CSMD1: variants seen among roughly 807,000 people sequenced by gnomAD.
The protein encoded by CSMD1 is CUB and Sushi multiple domains 1.
Under a neutral mutation model 417.5 loss-of-function variants are expected in CSMD1, and 213 were observed. That is an observed-to-expected ratio of 0.51 (90% CI 0.46 to 0.57). CSMD1 has a LOEUF of 0.57. Among genes scored for constraint, CSMD1 ranks in the 20% least tolerant of loss-of-function variants. The probability of loss-of-function intolerance (pLI) is 0.00; values close to 1 mark genes in which losing one functional copy is unlikely to be tolerated. For synonymous variants in CSMD1, 2,862 were observed against 1,736.8 expected, an observed-to-expected ratio of 1.65 and a Z score of -16.11; for missense variants, 6,923 against 4,529.7, an observed-to-expected ratio of 1.53 and a Z score of -15.17.
chr8:3,447,782 G>C (rs1815393754), intron 12 of CSMD1, among the ~76,000 whole-genome samples: 1 of 152,330 alleles, frequency 6.6e-6, no homozygotes, highest in East Asian at 1.9e-4. Flanking sequence ...ATGTGGCAGT[G>C]GATGGAGGGT....
chr8:3,493,494 A>G (rs559234490), intron 11 of CSMD1, 129 bp downstream of exon 11: 2 of 650,392 alleles, frequency 3.1e-6, no homozygotes, highest in Non-Finnish European at 2.7e-6. Flanking sequence ...GCAGGCCACT[A>G]CATTAGCCAT....
chr8:4,356,496 G>C (rs940970701), intron 3 of CSMD1, among the ~76,000 whole-genome samples: 1 of 152,092 alleles, frequency 6.6e-6, no homozygotes, highest in African/African-American at 2.4e-5. Context: ...CCTGGGAGTG[G>C]GATTGCTGGA....
rs376793976 is a variant in CSMD1, at chr8:3,722,403, G to C, written c.932-13912C>G. On this transcript the variant is annotated intron_variant, in intron 6 of 69. Coordinates refer to ENST00000635120, the MANE Select transcript of CSMD1 (RefSeq NM_033225.6). ...AGGAATTTGAAAGCACAGTAGCTAA[G>C]AAATCAACATATAATTAAACTCCTA... is the stretch of plus-strand genomic sequence containing the variant. Among the ~76,000 whole-genome samples the C allele has an allele frequency of 7.2e-5, 11 of 152,320 alleles. No individual in the cohort carries two copies. The East Asian group carries it at 1.4e-3, about 19-fold the overall frequency.
intron 5 of CSMD1, among the ~76,000 whole-genome samples, chr8:3,762,300 A>C (rs894737599): frequency 6.6e-6 from 1 of 152,056 alleles, no homozygotes; most frequent in Non-Finnish European, 1.5e-5. Flanking sequence ...CCTACTCTGC[A>C]CCTGCCTGGT....
Position 3,930,279 on chromosome 8 carries a change from C to G in CSMD1, c.818+67624G>C, listed in dbSNP as rs572742349. On this transcript the variant is annotated intron_variant, in intron 5 of 69. Transcript: ENST00000635120. ...CCATCTAATTAGGAATAAATAGTAACTTCTCTTAGAAGCAAACTTTATTCA... is the reference window on the plus strand; with the variant it reads ...CCATCTAATTAGGAATAAATAGTAAGTTCTCTTAGAAGCAAACTTTATTCA... Among the ~76,000 whole-genome samples the G allele has an allele frequency of 3.6e-4, 54 of 150,496 alleles. 2 individuals are homozygous for G. Among genetic ancestry groups the G allele is most frequent in the South Asian group, 8.6e-4 (4 of 4,676 alleles).
At chr8:4,032,892 G>A (rs1040810184) in intron 3 of CSMD1, among the ~76,000 whole-genome samples, 6 of 152,068 alleles carry the variant, frequency 3.9e-5, no homozygotes, top group African/African-American at 1.2e-4. Context: ...GTGGTGGGAT[G>A]GGGCAGTCAG....
At chr8:4,889,216 A>G (rs942355521) in intron 1 of CSMD1, among the ~76,000 whole-genome samples, 2 of 152,148 alleles carry the variant, frequency 1.3e-5, no homozygotes, top group Non-Finnish European at 1.5e-5. Flanking sequence ...CAAAGCTGGT[A>G]TCAGTAGGAA....
intron 25 of CSMD1, among the ~76,000 whole-genome samples, chr8:3,294,174 C>T (rs1171819568): frequency 6.6e-6 from 1 of 152,132 alleles, no homozygotes; most frequent in Non-Finnish European, 1.5e-5. Context: ...GCTGTCTGAT[C>T]ATTCCTCTGG....
At chr8:4,353,383 C>T (rs547743825) in intron 3 of CSMD1, among the ~76,000 whole-genome samples, 33 of 152,230 alleles carry the variant, frequency 2.2e-4, no homozygotes, top group Non-Finnish European at 4.0e-4. Context: ...CCTCCCCAGC[C>T]GTGTGGAACT....
chr8:4,016,193 A>G (rs1796514842), intron 4 of CSMD1, among the ~76,000 whole-genome samples: 1 of 152,144 alleles, frequency 6.6e-6, no homozygotes. Context: ...CTTGCCAGAG[A>G]GGTTTAGTCT....
intron 1 of CSMD1, among the ~76,000 whole-genome samples, chr8:4,646,807 G>C (rs759260121): frequency 3.3e-5 from 5 of 152,184 alleles, no homozygotes; most frequent in Non-Finnish European, 4.4e-5. Context: ...AGCTCTCTAA[G>C]AGGACAGACA....
chr8:3,735,010 A>C (rs145234638), intron 6 of CSMD1, among the ~76,000 whole-genome samples: 2,474 of 152,330 alleles, frequency 0.016, 29 homozygotes, highest in South Asian at 0.03. Flanking sequence ...GAGAGGAGTG[A>C]GGAGGGAATG....
intron 26 of CSMD1, chr8:3,279,171 AG>A (rs1802540609): frequency 6.6e-6 from 1 of 152,170 alleles, no homozygotes; most frequent in South Asian, 2.1e-4. Flanking sequence ...ATCCTTAGAG[AG>A]AAACACATGA....
At chr8:2,945,977 T>C (rs1020758753) in intron 68 of CSMD1, among the ~76,000 whole-genome samples, 1 of 152,202 alleles carries the variant, frequency 6.6e-6, no homozygotes, top group African/African-American at 2.4e-5. Context: ...TGGGGATACA[T>C]TCTGAGAAAT....
intron 3 of CSMD1, among the ~76,000 whole-genome samples, chr8:4,315,105 C>A (rs1156431213): frequency 6.6e-6 from 1 of 152,134 alleles, no homozygotes; most frequent in African/African-American, 2.4e-5. Context: ...GAGGACAGGG[C>A]TTCTTACACC....
chr8:4,246,226 A>G (rs961595001), intron 3 of CSMD1, among the ~76,000 whole-genome samples: 1 of 152,110 alleles, frequency 6.6e-6, no homozygotes, highest in African/African-American at 2.4e-5. Context: ...CAGTGTGTTC[A>G]TGAGCTCTCA....
chr8:3,899,565 T>C (rs1367321453), intron 5 of CSMD1, among the ~76,000 whole-genome samples: 2 of 152,184 alleles, frequency 1.3e-5, no homozygotes, highest in African/African-American at 2.4e-5. Flanking sequence ...AAGAAGGTTG[T>C]TGTTGTAAAA....
rs75089774 is a variant in CSMD1, at chr8:4,670,922, T to C, written c.86-33364A>G. On this transcript the variant is annotated intron_variant, in intron 1 of 69. Transcript: ENST00000635120. Reference sequence around the variant, plus strand: ...AATTTTAGTGACAAGGATAGCTTTATTAATTGAGCAGTCATATAACAAACA... The same window carrying C: ...AATTTTAGTGACAAGGATAGCTTTACTAATTGAGCAGTCATATAACAAACA... Among the ~76,000 whole-genome samples the C allele has an allele frequency of 9.3e-4, 141 of 152,326 alleles. 2 individuals are homozygous for C. In the East Asian group the frequency reaches 0.024, roughly 26 times the overall value.
At chr8:4,837,769 T>C (rs1336478055) in intron 1 of CSMD1, among the ~76,000 whole-genome samples, 1 of 152,168 alleles carries the variant, frequency 6.6e-6, no homozygotes, top group Admixed American at 6.5e-5. Context: ...ACATTGTTTG[T>C]AACTCAAAGG....
Sources: allele counts gnomAD v4.1 joint callset (sites outside exome capture counted in the v4.1 genomes callset), GRCh38; gene constraint gnomAD v4.1.1; transcripts MANE v1.5; gene names NCBI Gene and HGNC (gene_info 2026-07-23, HGNC 2026-07-21).